Variants in SIGLECL1 observed in about 807,000 individuals in gnomAD.
SIGLECL1 encodes SIGLEC family-like protein 1.
In SIGLECL1, 16 loss-of-function variants were observed where a neutral mutation model predicts 19.1. That is an observed-to-expected ratio of 0.84 (90% CI 0.57 to 1.27). The LOEUF (loss-of-function observed/expected upper bound fraction) is 1.27, where lower values mean the gene tolerates loss of function less well. Among genes scored for constraint, SIGLECL1 ranks in the 50% most tolerant of loss-of-function variants. SIGLECL1 has a pLI of 0.00. For missense variants in SIGLECL1, 210 were observed against 239.4 expected, an observed-to-expected ratio of 0.88 and a Z score of 0.81; for synonymous variants, 89 against 90.4, an observed-to-expected ratio of 0.98 and a Z score of 0.09.
chr19:51,268,123 A>T (rs1228208669), intron 5 of SIGLECL1, among the ~76,000 whole-genome samples: 1 of 152,216 alleles, frequency 6.6e-6, no homozygotes, highest in Non-Finnish European at 1.5e-5. Flanking sequence ...CATCTGTTAA[A>T]TTCCACCAAT....
At chr19:51,256,758 C>T (rs183766002) in intron 1 of SIGLECL1, among the ~76,000 whole-genome samples, 11 of 152,188 alleles carry the variant, frequency 7.2e-5, no homozygotes, top group South Asian at 4.1e-4. Context: ...TACATCAAAA[C>T]GTCATGTCGT....
chr19:51,266,980 C>G lies in SIGLECL1; in HGVS notation c.411-393C>G, dbSNP rs866870873. Among the ~76,000 whole-genome samples, 9 of 152,034 alleles carry G rather than the reference C, an allele frequency of 5.9e-5. No homozygotes were observed. In the South Asian group the frequency reaches 1.5e-3, roughly 25 times the overall value. ...CTAAGCAGGAAATAGAAGGCCTGAC[C>G]TGGGGCAAGTGATGAGGGGCAGCCA... On this transcript the variant is annotated intron_variant, in intron 4 of 5. Coordinates refer to ENST00000601727, the MANE Select transcript of SIGLECL1 (RefSeq NM_001385465.1).
intron 1 of SIGLECL1, among the ~76,000 whole-genome samples, chr19:51,258,556 C>T (rs1982972308): frequency 6.6e-6 from 1 of 152,158 alleles, no homozygotes; most frequent in South Asian, 2.1e-4. Flanking sequence ...TATCTGTAAT[C>T]GTTAAAATGA....
In SIGLECL1 at chr19:51,264,056, T is replaced by C; in HGVS notation, c.-17T>C. 1.9e-6 allele frequency: 3 copies of C among 1,613,948 alleles called. No individual in the cohort carries two copies. ...AAGAGCTTCTGCTGTTCCTGAGAACTGTTGCTGCTGGAAGTGATGCTTCCA... is the reference window on the plus strand; with the variant it reads ...AAGAGCTTCTGCTGTTCCTGAGAACCGTTGCTGCTGGAAGTGATGCTTCCA... On this transcript the variant is annotated 5_prime_UTR_variant, in exon 2 of 6. Coordinates refer to ENST00000601727, the MANE Select transcript of SIGLECL1 (RefSeq NM_001385465.1).
intron 1 of SIGLECL1, among the ~76,000 whole-genome samples, chr19:51,260,317 G>T (rs531024345): frequency 6.6e-6 from 1 of 151,726 alleles, no homozygotes; most frequent in African/African-American, 2.4e-5. Flanking sequence ...GATTTTGCCC[G>T]GTTTTTTTCA....
Position 51,267,533 on chromosome 19 carries a change from T to A in SIGLECL1, c.567+4T>A, listed in dbSNP as rs1052087481. On this transcript the variant is annotated splice_donor_region_variant and intron_variant, in intron 5 of 5. Transcript: ENST00000601727. ...ATTTTCTGAGAGCCGGATATTGGTATGTACCTATTGTGTCTGGAATCTAGT... is the reference window on the plus strand; with the variant it reads ...ATTTTCTGAGAGCCGGATATTGGTAAGTACCTATTGTGTCTGGAATCTAGT... The A allele has an allele frequency of 1.9e-6, 3 of 1,613,788 alleles. No homozygotes were observed. The highest frequency in any genetic ancestry group is 2.5e-6 in the Non-Finnish European group (3 of 1,179,890).
Position 51,259,328 on chromosome 19 carries a change from G to A in SIGLECL1, c.-190-4555G>A, listed in dbSNP as rs145756977. ...GAGGAAAGATATTGTGTCCAACTAT[G>A]GAAGAGTTCCCCTACGTACTATTAT... On this transcript the variant is annotated intron_variant, in intron 1 of 5. Coordinates refer to ENST00000601727, the MANE Select transcript of SIGLECL1 (RefSeq NM_001385465.1). Among the ~76,000 whole-genome samples the A allele has an allele frequency of 3.3e-5, 5 of 152,300 alleles. No individual in the cohort carries two copies. In the East Asian group the frequency reaches 9.6e-4, roughly 29 times the overall value.
upstream of SIGLECL1, among the ~76,000 whole-genome samples, chr19:51,248,986 A>C (rs1297497872): frequency 6.6e-6 from 1 of 152,146 alleles, no homozygotes; most frequent in Non-Finnish European, 1.5e-5. Flanking sequence ...TTATTTTGAC[A>C]ATTGGGAGAG....
At position 51,265,900 on chromosome 19, in the gene SIGLECL1, T is replaced by A. The variant is rs10410697; in HGVS notation, c.410+18T>A. The stretch of plus-strand genomic sequence containing the variant: ...CCTCTCATGTGAGTACTAGGGTTAA[T>A]ATTCACCCGCAAGCCTACTACCGGG... On this transcript the variant is annotated intron_variant, in intron 4 of 5. Coordinates refer to ENST00000601727, the MANE Select transcript of SIGLECL1 (RefSeq NM_001385465.1). 0.12 allele frequency: 190,856 copies of A among 1,612,656 alleles called. 19,212 individuals carry two copies. The highest frequency in any genetic ancestry group is 0.43 in the Admixed American group (26,017 of 59,960).
At chr19:51,268,340 C>CT (rs1340210135) in intron 5 of SIGLECL1, among the ~76,000 whole-genome samples, 1 of 151,984 alleles carries the variant, frequency 6.6e-6, no homozygotes, top group Non-Finnish European at 1.5e-5. Context: ...CCTGAGGAGT[C>CT]TAAGGAACAG....
chr19:51,268,188 T>C (rs538896884), intron 5 of SIGLECL1, among the ~76,000 whole-genome samples: 63 of 152,248 alleles, frequency 4.1e-4, no homozygotes, highest in Non-Finnish European at 7.8e-4. Flanking sequence ...GTCTCAGAAA[T>C]GGGCCAAACC....
intron 1 of SIGLECL1, chr19:51,257,881 A>C (rs1334300895): frequency 6.6e-6 from 1 of 152,256 alleles, no homozygotes; most frequent in Non-Finnish European, 1.5e-5. Context: ...CCCAATAAAA[A>C]CACTGGACAC....
chr19:51,268,430 G>T, intron 5 of SIGLECL1, 141 bp from the exon 6 acceptor site: 1 of 864,100 alleles, frequency 1.2e-6, no homozygotes, highest in Non-Finnish European at 2.0e-6. Context: ...ATGGGGTTGT[G>T]AGGAAGGGCT....
chr19:51,264,081 A>T lies in SIGLECL1; in HGVS notation c.9A>T (p.Pro3=). The T allele has an allele frequency of 6.2e-7, 1 of 1,614,052 alleles. No individual in the cohort carries two copies. The highest frequency in any genetic ancestry group is 8.5e-7 in the Non-Finnish European group (1 of 1,179,958). Residue 3 remains proline, a synonymous_variant, in exon 2 of 6, where the codon CCA becomes CCT. Transcript: ENST00000601727. ML[P]LLQLVPAKLL... ...TGTTGCTGCTGGAAGTGATGCTTCC[A>T]CTGCTACAGCTGGGTAAGTAAGGTG... is the stretch of plus-strand genomic sequence containing the variant.
upstream of SIGLECL1, among the ~76,000 whole-genome samples, chr19:51,247,653 G>A (rs1982309557): frequency 6.6e-6 from 1 of 152,182 alleles, no homozygotes. Flanking sequence ...CCTGACCTCA[G>A]GTGATCCACC....
upstream of SIGLECL1, among the ~76,000 whole-genome samples, chr19:51,248,787 G>A (rs963232467): frequency 3.3e-5 from 5 of 152,218 alleles, no homozygotes; most frequent in African/African-American, 7.2e-5. Flanking sequence ...CTTAAAGTTT[G>A]TAATTAGAGG....
At chr19:51,254,089 C>T (rs919507269) in intron 1 of SIGLECL1, among the ~76,000 whole-genome samples, 2 of 151,918 alleles carry the variant, frequency 1.3e-5, no homozygotes, top group Non-Finnish European at 2.9e-5. Flanking sequence ...GAGGCTGAGG[C>T]GGGAGAATTG....
chr19:51,256,871 C>T (rs1485760236), intron 1 of SIGLECL1, among the ~76,000 whole-genome samples: 2 of 152,040 alleles, frequency 1.3e-5, no homozygotes, highest in Non-Finnish European at 2.9e-5. Context: ...ACTGCTCTAA[C>T]CATAGGTAAG....
intron 1 of SIGLECL1, among the ~76,000 whole-genome samples, chr19:51,253,083 T>C (rs1464494693): frequency 6.6e-6 from 1 of 150,526 alleles, no homozygotes; most frequent in East Asian, 1.9e-4. Flanking sequence ...GCCATGTTCA[T>C]GCCACTGCAC....
Sources: allele counts gnomAD v4.1 joint callset (sites outside exome capture counted in the v4.1 genomes callset), GRCh38; gene constraint gnomAD v4.1.1; transcripts MANE v1.5; gene names NCBI Gene and HGNC (gene_info 2026-07-23, HGNC 2026-07-21).